Variants in ADD2 observed in about 807,000 individuals in gnomAD.
ADD2 encodes beta-adducin.
In ADD2, 23 loss-of-function variants were observed where a neutral mutation model predicts 83.0. The ratio of observed to expected loss-of-function variants is 0.28; its 90% CI spans 0.20 to 0.39. The LOEUF is 0.39. Ranked by LOEUF, ADD2 falls within the 10% of genes least tolerant of loss-of-function variation. The pLI is 1.00. For synonymous variants in ADD2, 375 were observed against 375.4 expected (o/e 1.00, Z 0.01); for missense variants, 758 against 944.9 (o/e 0.80, Z 2.59).
rs142305261 is a variant in ADD2 at position 70,728,429 on chromosome 2, T to C, written c.-153-15245A>G. 4.6e-3 allele frequency among the ~76,000 whole-genome samples: 705 copies of C among 152,312 alleles called. 6 individuals carry two copies. Among genetic ancestry groups the C allele is most frequent in the African/African-American group, 0.016 (655 of 41,570 alleles). On this transcript the variant is annotated intron_variant, in intron 1 of 15. Transcript: ENST00000264436. ...ACCTCAAATTTCACAACAGCTGAGA[T>C]GCCTGTGTGAGGAGTCAGTCCTGGG...
intron 1 of ADD2, among the ~76,000 whole-genome samples, chr2:70,724,220 T>C (rs1553377818): frequency 6.6e-6 from 1 of 152,222 alleles, no homozygotes; most frequent in Non-Finnish European, 1.5e-5. Flanking sequence ...GCCAGCACTG[T>C]TCTGCCATGA....
intron 9 of ADD2, among the ~76,000 whole-genome samples, chr2:70,685,833 C>T (rs1187960677): frequency 1.3e-5 from 2 of 152,180 alleles, no homozygotes; most frequent in Non-Finnish European, 2.9e-5. Context: ...CTCTTCCTCC[C>T]CCAGTTTCCA....
chr2:70,673,146 G>A (rs1669977886), intron 14 of ADD2, 140 bp from the exon 15 acceptor site: 2 of 1,543,660 alleles, frequency 1.3e-6, no homozygotes, highest in African/African-American at 2.7e-5. Context: ...GCTGAAGTTA[G>A]CTCCTCCCCC....
chr2:70,731,924 G>A (rs1213098734), intron 1 of ADD2, among the ~76,000 whole-genome samples: 1 of 152,150 alleles, frequency 6.6e-6, no homozygotes, highest in Non-Finnish European at 1.5e-5. Flanking sequence ...CCAATGAGTG[G>A]CAGGCTCTGC....
chr2:70,724,229 G>A (rs563006075), intron 1 of ADD2, among the ~76,000 whole-genome samples: 1 of 152,328 alleles, frequency 6.6e-6, no homozygotes, highest in South Asian at 2.1e-4. Context: ...GTTCTGCCAT[G>A]AGCCTGTCAT....
chr2:70,708,131 G>A (rs782120271), intron 2 of ADD2, among the ~76,000 whole-genome samples: 1 of 152,220 alleles, frequency 6.6e-6, no homozygotes, highest in Admixed American at 6.5e-5. Context: ...GGTGAGGGGA[G>A]AATGATGCCA....
At chr2:70,711,239 C>T (rs1672161638) in intron 2 of ADD2, 1 of 152,114 alleles carries the variant, frequency 6.6e-6, no homozygotes, top group Non-Finnish European at 1.5e-5. Context: ...GTTTCAAAAA[C>T]CTTTGGAATT....
intron 15 of ADD2, among the ~76,000 whole-genome samples, chr2:70,664,500 G>A (rs1675677437): frequency 6.6e-6 from 1 of 152,216 alleles, no homozygotes; most frequent in Non-Finnish European, 1.5e-5. Flanking sequence ...TCAGATGCCT[G>A]GATGGGGTGA....
intron 1 of ADD2, among the ~76,000 whole-genome samples, chr2:70,716,048 C>T (rs1313799434): frequency 6.6e-6 from 1 of 152,104 alleles, no homozygotes; most frequent in Non-Finnish European, 1.5e-5. Context: ...TAAAGCCCTG[C>T]TTTTCCAACC....
intron 1 of ADD2, among the ~76,000 whole-genome samples, chr2:70,730,833 G>A (rs572569171): frequency 6.6e-6 from 1 of 152,278 alleles, no homozygotes; most frequent in African/African-American, 2.4e-5. Flanking sequence ...ACAGTATTCA[G>A]TATGGTCACA....
intron 1 of ADD2, among the ~76,000 whole-genome samples, chr2:70,764,974 T>A (rs1675305048): frequency 6.6e-6 from 1 of 152,024 alleles, no homozygotes; most frequent in African/African-American, 2.4e-5. Context: ...ATGAAACTTG[T>A]CCTTGTGTCT....
Position 70,676,639 on chromosome 2 carries a change from T to G in ADD2, c.1593+157A>C, listed in dbSNP as rs1318527287. On this transcript the variant is annotated intron_variant, in intron 13 of 15. Coordinates refer to ENST00000264436, the MANE Select transcript of ADD2 (RefSeq NM_001617.4). The surrounding 1 kb of genome is among the most constrained non-coding windows in gnomAD (Gnocchi z 4.8). ...CTCCCTGGTCCTCACAGCACCCCTGTGAGGTTGGCCTCCATTTTGCAGCAA... is the reference window on the plus strand; with the variant it reads ...CTCCCTGGTCCTCACAGCACCCCTGGGAGGTTGGCCTCCATTTTGCAGCAA... The G allele has an allele frequency of 6.8e-7, 1 of 1,479,980 alleles. No homozygotes were observed. The highest frequency in any genetic ancestry group is 1.4e-5 in the African/African-American group (1 of 71,178). 91.7% of individuals were successfully genotyped at this position (1,479,980 alleles called of 1,614,324 possible).
At chr2:70,765,168 C>G (rs1476348516) in intron 1 of ADD2, among the ~76,000 whole-genome samples, 1 of 152,014 alleles carries the variant, frequency 6.6e-6, no homozygotes, top group Non-Finnish European at 1.5e-5. Flanking sequence ...GCCTGGCCAA[C>G]ATGGCGAAAC....
intron 1 of ADD2, among the ~76,000 whole-genome samples, chr2:70,757,605 T>TAA (rs1214419546): frequency 6.6e-6 from 1 of 152,018 alleles, no homozygotes; most frequent in Non-Finnish European, 1.5e-5. Context: ...GAATAAATTC[T>TAA]AAAAAAAGGG....
intron 1 of ADD2, 81 bp downstream of exon 1, chr2:70,767,805 C>A: frequency 1.3e-6 from 2 of 1,515,868 alleles, no homozygotes; most frequent in African/African-American, 2.8e-5. Flanking sequence ...GGCTCCCGCC[C>A]GGCCGAGGGA....
At chr2:70,686,374 C>T (rs1323919588) in intron 9 of ADD2, among the ~76,000 whole-genome samples, 1 of 152,148 alleles carries the variant, frequency 6.6e-6, no homozygotes, top group Non-Finnish European at 1.5e-5. Flanking sequence ...CAAACCAATC[C>T]TGAAACGAAA....
intron 6 of ADD2, 144 bp from the exon 7 acceptor site, chr2:70,692,696 A>G: frequency 1.1e-6 from 1 of 896,218 alleles, no homozygotes; most frequent in South Asian, 2.0e-5. Context: ...TGGTGTTGGA[A>G]GAAAACAAAC....
In ADD2 at chr2:70,726,186, C is replaced by CAAAAAAAAAAA. The variant is rs34333514; in HGVS notation, c.-153-13013_-153-13003dup. Reference sequence around the variant, plus strand: ...TGGGCGACAGAGCGAGACTCCATCTCAAAAAAAAAAAAAAAAAAAAAAAAA... The same window carrying CAAAAAAAAAAA: ...TGGGCGACAGAGCGAGACTCCATCTCAAAAAAAAAAAAAAAAAAAAAAAAAAAAAAAAAAAA... On this transcript the variant is annotated intron_variant, in intron 1 of 15. Coordinates refer to ENST00000264436, the MANE Select transcript of ADD2 (RefSeq NM_001617.4). Among the ~76,000 whole-genome samples, 24 of 45,484 alleles carry CAAAAAAAAAAA rather than the reference C, an allele frequency of 5.3e-4. 2 individuals are homozygous for CAAAAAAAAAAA. Among genetic ancestry groups the CAAAAAAAAAAA allele is most frequent in the Non-Finnish European group, 8.0e-4 (19 of 23,630 alleles). The allele number at this position is 45,484 out of a possible 152,430, so 29.8% of individuals were successfully genotyped here.
At chr2:70,669,354 C>T (rs1553366722) in intron 15 of ADD2, among the ~76,000 whole-genome samples, 1 of 152,188 alleles carries the variant, frequency 6.6e-6, no homozygotes. Context: ...AGATTTTTAA[C>T]AAGTCCCCAG....
Sources: gnomAD v4.1 joint callset for allele counts (sites outside exome capture counted in the v4.1 genomes callset) on GRCh38, gnomAD v4.1.1 for gene constraint, Gnocchi (gnomAD v3.1) non-coding constraint, MANE v1.5 for transcripts, NCBI Gene and HGNC (gene_info 2026-07-23, HGNC 2026-07-21) for gene names.